SPECC1L: variants seen among roughly 807,000 people sequenced by gnomAD.
SPECC1L encodes sperm antigen with calponin homology and coiled-coil domains 1 like, also known as cytospin-A.
In SPECC1L, 40 loss-of-function variants were observed where a neutral mutation model predicts 116.8. The observed-to-expected ratio is 0.34, with a 90% confidence interval of 0.27 to 0.45. The LOEUF is 0.45. Among genes scored for constraint, SPECC1L ranks in the 20% least tolerant of loss-of-function variants. SPECC1L has a pLI of 1.00. For synonymous variants in SPECC1L, 504 were observed against 500.6 expected (o/e 1.01, Z -0.09); for missense variants, 1,110 against 1,373.6 (o/e 0.81, Z 3.03).
In SPECC1L at chr22:24,324,186, A is replaced by T. The variant is rs1312336893; in HGVS notation, c.1939-34A>T. The T allele has an allele frequency of 3.2e-6, 5 of 1,580,578 alleles. No individual in the cohort carries two copies. The East Asian group carries it at 1.1e-4, about 35-fold the overall frequency. On this transcript the variant is annotated intron_variant, in intron 5 of 16. Coordinates refer to ENST00000314328, the MANE Select transcript of SPECC1L (RefSeq NM_015330.6). ...GGAACGTACCTTAGAACAACTCTTA[A>T]CTTTTCTAAATCTGCATCGTCAATT...
At position 24,414,853 on chromosome 22, in the gene SPECC1L, A is replaced by G; in HGVS notation, c.*230A>G. 1.8e-6 allele frequency: 1 copy of G among 567,888 alleles called. No homozygotes were observed. Among genetic ancestry groups the G allele is most frequent in the Non-Finnish European group, 3.2e-6 (1 of 314,960 alleles). 35.2% of individuals were successfully genotyped at this position (567,888 alleles called of 1,614,324 possible). A position where few individuals can be genotyped will look rare whatever the true frequency, so the allele number is the denominator to read the frequency against. On this transcript the variant is annotated 3_prime_UTR_variant, in exon 17 of 17. Transcript: ENST00000314328. Reference sequence around the variant, plus strand: ...CCGTCCATTCAGGTCATGTGGGCTCAGCACACATCCTGCAGGCCGGTGGCT... The same window carrying G: ...CCGTCCATTCAGGTCATGTGGGCTCGGCACACATCCTGCAGGCCGGTGGCT...
chr22:24,414,704 C>G lies in SPECC1L; in HGVS notation c.*81C>G. Reference sequence around the variant, plus strand: ...GACACCGACGCCATTAGCTACGCACCCCTGTAAAGCTTCCAGCAACTCTGG... The same window carrying G: ...GACACCGACGCCATTAGCTACGCACGCCTGTAAAGCTTCCAGCAACTCTGG... On this transcript the variant is annotated 3_prime_UTR_variant, in exon 17 of 17. Coordinates refer to ENST00000314328, the MANE Select transcript of SPECC1L (RefSeq NM_015330.6). 8.2e-7 allele frequency: 1 copy of G among 1,223,368 alleles called. No individual in the cohort carries two copies. 75.8% of individuals were successfully genotyped at this position (1,223,368 alleles called of 1,614,324 possible).
intron 6 of SPECC1L, among the ~76,000 whole-genome samples, chr22:24,325,546 T>TATTC (rs1226740786): frequency 1.1e-5 from 1 of 87,510 alleles, no homozygotes; most frequent in African/African-American, 3.7e-5. Context: ...TGGATTTATT[T>TATTC]ATTTATTTAT....
chr22:24,296,013 G>A (rs972014737), intron 2 of SPECC1L, among the ~76,000 whole-genome samples: 20 of 152,186 alleles, frequency 1.3e-4, no homozygotes, highest in Non-Finnish European at 2.6e-4. Context: ...AGAAGGGGCA[G>A]GTTGAGCTGT....
At chr22:24,302,807 G>T (rs756233456) in intron 3 of SPECC1L, among the ~76,000 whole-genome samples, 2 of 152,092 alleles carry the variant, frequency 1.3e-5, no homozygotes, top group Non-Finnish European at 2.9e-5. Flanking sequence ...GCCTGGGAAG[G>T]TTTTATGAAA....
At chr22:24,368,311 C>A (rs1332565311) in intron 13 of SPECC1L, among the ~76,000 whole-genome samples, 1 of 152,182 alleles carries the variant, frequency 6.6e-6, no homozygotes, top group Non-Finnish European at 1.5e-5. Context: ...TGCCTACTGC[C>A]TGCACATTGC....
intron 10 of SPECC1L, chr22:24,343,335 C>T (rs1400344371): frequency 1.2e-5 from 4 of 329,350 alleles, no homozygotes; most frequent in African/African-American, 2.3e-5. Context: ...ATCCCCATGC[C>T]CATTAAGGCA....
chr22:24,410,178 G>T (rs115288288), intron 14 of SPECC1L, among the ~76,000 whole-genome samples: 1 of 152,144 alleles, frequency 6.6e-6, no homozygotes, highest in African/African-American at 2.4e-5. Context: ...TTTCGGAGAT[G>T]GGGGGGATCT....
At position 24,414,978 on chromosome 22, in the gene SPECC1L, C is replaced by T. The variant is rs538656874; in HGVS notation, c.*355C>T. 1.9e-4 allele frequency: 60 copies of T among 322,796 alleles called. No individual in the cohort carries two copies. The highest frequency in any genetic ancestry group is 1.2e-3 in the African/African-American group (56 of 47,108). 20.0% of individuals were successfully genotyped at this position (322,796 alleles called of 1,614,324 possible). A position where few individuals can be genotyped will look rare whatever the true frequency, so the allele number is the denominator to read the frequency against. On this transcript the variant is annotated 3_prime_UTR_variant, in exon 17 of 17. Transcript: ENST00000314328. Reference sequence around the variant, plus strand: ...ACAGCTGAATTTGGGAAAAGGGATTCAGTTCTGTGGGAAACTCACTAGGGT... The same window carrying T: ...ACAGCTGAATTTGGGAAAAGGGATTTAGTTCTGTGGGAAACTCACTAGGGT...
Position 24,363,331 on chromosome 22 carries a change from C to T in SPECC1L, c.2814C>T (p.Ala938=), listed in dbSNP as rs752568495. ...CAAGAGTGCCTGCGATGGAAAGTGCCAAGACCCTCTCAGGTGATGACTTTC... is the reference window on the plus strand; with the variant it reads ...CAAGAGTGCCTGCGATGGAAAGTGCTAAGACCCTCTCAGGTGATGACTTTC... ...SLPRVPAMES[A]KTLSVSRRSS... is the part of the protein sequence containing the mutation. Residue 938 remains alanine (A), a synonymous_variant, in exon 12 of 17, where the codon GCC becomes GCT. Transcript: ENST00000314328. The T allele has an allele frequency of 1.9e-6, 3 of 1,614,020 alleles. No homozygotes were observed. In the South Asian group the frequency reaches 3.3e-5, roughly 18 times the overall value.
chr22:24,390,202 CT>C (rs1188360912), intron 14 of SPECC1L, among the ~76,000 whole-genome samples: 1 of 152,000 alleles, frequency 6.6e-6, no homozygotes, highest in Non-Finnish European at 1.5e-5. Context: ...CGCTCTTCCC[CT>C]GATCCTTCCT....
rs538822133 is a variant in SPECC1L, at chr22:24,305,200, A to G, written c.153+2816A>G. Among the ~76,000 whole-genome samples, 23 of 152,370 alleles carry G rather than the reference A, an allele frequency of 1.5e-4. No homozygotes were observed. The East Asian group carries it at 3.7e-3, about 24-fold the overall frequency. ...TGTTGAAGTAAAGCATACGTACAGC[A>G]AAGTCCACAAAACACAGGTGTTGAG... On this transcript the variant is annotated intron_variant, in intron 3 of 16. Coordinates refer to ENST00000314328, the MANE Select transcript of SPECC1L (RefSeq NM_015330.6).
chr22:24,290,332 G>T (rs2049133848), intron 2 of SPECC1L, among the ~76,000 whole-genome samples: 1 of 152,202 alleles, frequency 6.6e-6, no homozygotes, highest in African/African-American at 2.4e-5. Flanking sequence ...GGAGTTGGAG[G>T]TAGAAACAGG....
At chr22:24,409,780 C>T (rs188632799) in intron 14 of SPECC1L, among the ~76,000 whole-genome samples, 14 of 152,350 alleles carry the variant, frequency 9.2e-5, no homozygotes. Flanking sequence ...TGTAATTTCA[C>T]TGCTTTGGAG....
In SPECC1L at chr22:24,296,319, T is replaced by C. The variant is rs1601512096; in HGVS notation, c.-37-5876T>C. ...ATGGTGCTTGCTGTCGGGGAGAGGCTCAAGGCCTTCAGTGCCTTTCCCTGT... is the reference window on the plus strand; with the variant it reads ...ATGGTGCTTGCTGTCGGGGAGAGGCCCAAGGCCTTCAGTGCCTTTCCCTGT... On this transcript the variant is annotated intron_variant, in intron 2 of 16. Transcript: ENST00000314328. Among the ~76,000 whole-genome samples, 3 of 152,352 alleles carry C rather than the reference T, an allele frequency of 2.0e-5. No homozygotes were observed. The South Asian group carries it at 6.2e-4, about 32-fold the overall frequency.
At chr22:24,302,422 G>T (rs765737186) in intron 3 of SPECC1L, 38 bp downstream of exon 3, 2 of 1,611,550 alleles carry the variant, frequency 1.2e-6, no homozygotes, top group Non-Finnish European at 8.5e-7. Context: ...TGGGTTTTTG[G>T]AGGACTGAAT....
chr22:24,294,280 T>C (rs1172103207), intron 2 of SPECC1L, among the ~76,000 whole-genome samples: 6 of 141,042 alleles, frequency 4.3e-5, no homozygotes, highest in African/African-American at 8.2e-5. Context: ...TTTTGTTTTT[T>C]AAAGTAGGTT....
rs145231183 is a variant in SPECC1L, at chr22:24,350,411, G to C, written c.2743+3235G>C. Among the ~76,000 whole-genome samples, 3 of 152,276 alleles carry C rather than the reference G, an allele frequency of 2.0e-5. No homozygotes were observed. The East Asian group carries it at 5.8e-4, about 29-fold the overall frequency. On this transcript the variant is annotated intron_variant, in intron 11 of 16. Coordinates refer to ENST00000314328, the MANE Select transcript of SPECC1L (RefSeq NM_015330.6). Reference sequence around the variant, plus strand: ...CTGGACTCTTGATAAAAAATTGTGAGGTGAGTGAAAGAAAGAAGAGTTAAA... The same window carrying C: ...CTGGACTCTTGATAAAAAATTGTGACGTGAGTGAAAGAAAGAAGAGTTAAA...
Position 24,330,443 on chromosome 22 carries a change from G to A in SPECC1L, c.2396+12G>A, listed in dbSNP as rs767214033. On this transcript the variant is annotated intron_variant, in intron 8 of 16. Coordinates refer to ENST00000314328, the MANE Select transcript of SPECC1L (RefSeq NM_015330.6). ...ATAAAGTCACGCAAGTAAGTTCTGA[G>A]AAACCTGTTGTGTACTTATGTTTCA... The A allele has an allele frequency of 6.2e-7, 1 of 1,614,002 alleles. No homozygotes were observed. Among genetic ancestry groups the A allele is most frequent in the South Asian group, 1.1e-5 (1 of 91,080 alleles).
Sources: gnomAD v4.1 joint callset for allele counts (sites outside exome capture counted in the v4.1 genomes callset) on GRCh38, gnomAD v4.1.1 for gene constraint, MANE v1.5 for transcripts, NCBI Gene and HGNC (gene_info 2026-07-23, HGNC 2026-07-21) for gene names.